Variants in FGF18 observed in about 807,000 individuals in gnomAD.
The protein encoded by FGF18 is fibroblast growth factor 18.
FGF18 carries 5 observed loss-of-function variants against 23.0 expected under a neutral mutation model. That is an observed-to-expected ratio of 0.22 (90% CI 0.11 to 0.46). The LOEUF is 0.46. Ranked by LOEUF, FGF18 falls within the 20% of genes least tolerant of loss-of-function variation. The pLI is 0.99. For missense variants in FGF18, 180 were observed against 291.6 expected (o/e 0.62, Z 2.79); for synonymous variants, 117 against 118.9 (o/e 0.98, Z 0.10).
rs527838127 is a variant in FGF18, at chr5:171,422,869, C to G, written c.69+2426C>G. ...CAGCTCCAGCTCCATCTTTCCCTCT[C>G]TGTGGATCCCCAGAGTCTTAGCTGC... On this transcript the variant is annotated intron_variant, in intron 2 of 4. Coordinates refer to ENST00000274625, the MANE Select transcript of FGF18 (RefSeq NM_003862.3). Among the ~76,000 whole-genome samples the G allele has an allele frequency of 2.0e-5, 3 of 152,322 alleles. No individual in the cohort carries two copies. The South Asian group carries it at 6.2e-4, about 32-fold the overall frequency.
At chr5:171,437,257 C>T (rs1306779336) in intron 3 of FGF18, among the ~76,000 whole-genome samples, 2 of 152,308 alleles carry the variant, frequency 1.3e-5, no homozygotes, top group African/African-American at 2.4e-5. Flanking sequence ...GCAGTCAGGA[C>T]GTGACAACAA....
intron 3 of FGF18, among the ~76,000 whole-genome samples, chr5:171,448,773 G>A (rs771207582): frequency 6.6e-6 from 1 of 152,086 alleles, no homozygotes; most frequent in South Asian, 2.1e-4. Flanking sequence ...CTGTTTGGTG[G>A]AATAGAGTTG....
intron 4 of FGF18, among the ~76,000 whole-genome samples, chr5:171,453,512 C>T (rs1232440260): frequency 6.6e-6 from 1 of 152,168 alleles, no homozygotes; most frequent in African/African-American, 2.4e-5. Flanking sequence ...CTCACCTTTC[C>T]CCCTTGTGGA....
At chr5:171,445,188 C>T (rs906369501) in intron 3 of FGF18, among the ~76,000 whole-genome samples, 18 of 151,996 alleles carry the variant, frequency 1.2e-4, no homozygotes, top group Admixed American at 3.9e-4. Flanking sequence ...GTGGTGGGAG[C>T]GTGCTTGGTG....
chr5:171,433,027 C>A (rs1287634114), intron 2 of FGF18, among the ~76,000 whole-genome samples: 2 of 152,196 alleles, frequency 1.3e-5, no homozygotes, highest in Non-Finnish European at 2.9e-5. Flanking sequence ...GTGTCACACC[C>A]TCCAGAGGTC....
chr5:171,429,116 C>T (rs149093735), intron 2 of FGF18, among the ~76,000 whole-genome samples: 12 of 152,276 alleles, frequency 7.9e-5, no homozygotes, highest in African/African-American at 2.4e-4. Flanking sequence ...GCCAGAAGCC[C>T]GGGGTTGAGG....
intron 2 of FGF18, among the ~76,000 whole-genome samples, chr5:171,431,868 G>T (rs1166841233): frequency 6.6e-6 from 1 of 152,004 alleles, no homozygotes; most frequent in African/African-American, 2.4e-5. Flanking sequence ...AGACCAGCCT[G>T]GCCAACCCTG....
rs1042111591 is a variant in FGF18 at position 171,457,558 on chromosome 5, T to C, written c.*753T>C. 1.3e-5 allele frequency: 2 copies of C among 152,056 alleles called. No homozygotes were observed. Among genetic ancestry groups the C allele is most frequent in the Non-Finnish European group, 2.9e-5 (2 of 68,030 alleles). The allele number at this position is 152,056 out of a possible 1,614,324, so 9.4% of individuals were successfully genotyped here. A position where few individuals can be genotyped will look rare whatever the true frequency, so the allele number is the denominator to read the frequency against. On this transcript the variant is annotated 3_prime_UTR_variant, in exon 5 of 5. Coordinates refer to ENST00000274625, the MANE Select transcript of FGF18 (RefSeq NM_003862.3). ...CTATTTATTTCACCTCTCTGTATAT[T>C]GCAGTTTCATGAACCAAGTATTACT...
intron 3 of FGF18, among the ~76,000 whole-genome samples, chr5:171,437,158 C>G (rs1295151383): frequency 6.6e-6 from 1 of 152,236 alleles, no homozygotes; most frequent in Admixed American, 6.5e-5. Context: ...GCCTGGGGAT[C>G]TGGGGCCGTG....
At chr5:171,424,106 GGTA>G (rs1772058889) in intron 2 of FGF18, among the ~76,000 whole-genome samples, 2 of 152,204 alleles carry the variant, frequency 1.3e-5, no homozygotes, top group Admixed American at 1.3e-4. Flanking sequence ...TCCACAGTCA[GGTA>G]TTCATTCAGC....
At chr5:171,428,860 G>C (rs1772136911) in intron 2 of FGF18, among the ~76,000 whole-genome samples, 1 of 152,328 alleles carries the variant, frequency 6.6e-6, no homozygotes, top group Non-Finnish European at 1.5e-5. Context: ...TTGGCTGCCT[G>C]CAGCAGCGGT....
In FGF18 at chr5:171,420,920, GACAC is replaced by G. The variant is rs1205464694; in HGVS notation, c.69+485_69+488del. Among the ~76,000 whole-genome samples the G allele has an allele frequency of 2.6e-5, 4 of 152,298 alleles. No individual in the cohort carries two copies. The South Asian group carries it at 8.3e-4, about 32-fold the overall frequency. The stretch of plus-strand genomic sequence containing the variant: ...GTTTTGAAGGCGCTTGCAGCACTGA[GACAC>G]ACACACAGACACACACACATGCCCG... On this transcript the variant is annotated intron_variant, in intron 2 of 4. Transcript: ENST00000274625.
chr5:171,420,727 G>A (rs1581267735), intron 2 of FGF18, among the ~76,000 whole-genome samples: 2 of 152,216 alleles, frequency 1.3e-5, no homozygotes, highest in East Asian at 1.9e-4. Flanking sequence ...GGGCTCAGCC[G>A]CAACAATATA....
intron 3 of FGF18, among the ~76,000 whole-genome samples, chr5:171,448,299 C>A (rs983605093): frequency 6.6e-6 from 1 of 152,102 alleles, no homozygotes; most frequent in African/African-American, 2.4e-5. Flanking sequence ...GAGTTAGTTA[C>A]CCTTCAGCTT....
At chr5:171,441,890 C>T (rs151159640) in intron 3 of FGF18, among the ~76,000 whole-genome samples, 220 of 152,292 alleles carry the variant, frequency 1.4e-3, no homozygotes, top group African/African-American at 5.2e-3. Context: ...ACAGTAGGTA[C>T]TTGGCAAATC....
chr5:171,431,062 A>G (rs544141408), intron 2 of FGF18, among the ~76,000 whole-genome samples: 14 of 152,258 alleles, frequency 9.2e-5, no homozygotes, highest in African/African-American at 3.1e-4. Flanking sequence ...AATGGGGGCC[A>G]GGAAGAAAGA....
chr5:171,427,575 C>T (rs982073708), intron 2 of FGF18, among the ~76,000 whole-genome samples: 2 of 152,222 alleles, frequency 1.3e-5, no homozygotes, highest in Non-Finnish European at 1.5e-5. Context: ...TAAGGATGCT[C>T]ATCCCACTCC....
chr5:171,451,721 C>T lies in FGF18; in HGVS notation c.357+2468C>T, dbSNP rs1340173855. Among the ~76,000 whole-genome samples the T allele has an allele frequency of 2.6e-5, 4 of 152,176 alleles. No individual in the cohort carries two copies. Among genetic ancestry groups the T allele is most frequent in the African/African-American group, 9.7e-5 (4 of 41,450 alleles). On this transcript the variant is annotated intron_variant, in intron 4 of 4. Coordinates refer to ENST00000274625, the MANE Select transcript of FGF18 (RefSeq NM_003862.3). The surrounding 1 kb of genome is among the most constrained non-coding windows in gnomAD (Gnocchi z 4.5). ...GAAGGCCCTGGGGAGCCTCCCCGGG[C>T]ACATGGATTCCTTATGCTCCAGATG...
At chr5:171,431,972 C>T (rs1329039715) in intron 2 of FGF18, among the ~76,000 whole-genome samples, 6 of 152,032 alleles carry the variant, frequency 3.9e-5, no homozygotes, top group Admixed American at 1.3e-4. Context: ...TCACTTGAAC[C>T]GGGGAGGCGG....
Sources: allele counts gnomAD v4.1 joint callset (sites outside exome capture counted in the v4.1 genomes callset), GRCh38; gene constraint gnomAD v4.1.1; non-coding constraint Gnocchi (gnomAD v3.1); transcripts MANE v1.5; gene names NCBI Gene and HGNC (gene_info 2026-07-23, HGNC 2026-07-21).